The following KLF13 variants were observed in gnomAD, a reference collection of about 807,000 sequenced individuals.
KLF13 encodes the protein Krueppel-like factor 13.
A neutral mutation model predicts 16.7 loss-of-function variants in KLF13; 8 were observed. The ratio of observed to expected loss-of-function variants is 0.48; its 90% CI spans 0.28 to 0.87. KLF13 has a LOEUF of 0.87. Among genes scored for constraint, KLF13 ranks in the 40% least tolerant of loss-of-function variants. The probability of loss-of-function intolerance (pLI) is 0.10; values close to 1 mark genes in which losing one functional copy is unlikely to be tolerated. For synonymous variants in KLF13, 245 were observed against 208.4 expected, an observed-to-expected ratio of 1.18 and a Z score of -1.51; for missense variants, 447 against 452.2, an observed-to-expected ratio of 0.99 and a Z score of 0.10.
chr15:31,350,622 C>T (rs534126935), intron 1 of KLF13, among the ~76,000 whole-genome samples: 16 of 152,374 alleles, frequency 1.1e-4, no homozygotes, highest in African/African-American at 3.6e-4. Flanking sequence ...AGTAGCTTGG[C>T]GTGTAAGGTG....
At chr15:31,339,435 C>G (rs537883354) in intron 1 of KLF13, among the ~76,000 whole-genome samples, 3 of 152,310 alleles carry the variant, frequency 2.0e-5, no homozygotes, top group Non-Finnish European at 4.4e-5. Flanking sequence ...GAGGACCCCC[C>G]ACTGCCGACA....
chr15:31,343,809 GA>G (rs1056617646), intron 1 of KLF13, among the ~76,000 whole-genome samples: 4 of 152,194 alleles, frequency 2.6e-5, no homozygotes, highest in Non-Finnish European at 5.9e-5. Flanking sequence ...ACTCCATGGG[GA>G]AGGTCTCCTT....
chr15:31,350,934 A>G (rs944792333), intron 1 of KLF13, among the ~76,000 whole-genome samples: 1 of 152,258 alleles, frequency 6.6e-6, no homozygotes, highest in African/African-American at 2.4e-5. Flanking sequence ...GTGTAAGAAC[A>G]TGATGATGAC....
intron 2 of KLF13, among the ~76,000 whole-genome samples, chr15:31,395,900 G>A (rs2039945901): frequency 6.6e-6 from 1 of 152,246 alleles, no homozygotes; most frequent in African/African-American, 2.4e-5. Context: ...GGCCCAAGAA[G>A]TCTGCCTCAG....
chr15:31,428,355 A>G (rs2040424442), intron 1 of KLF13, among the ~76,000 whole-genome samples: 1 of 152,174 alleles, frequency 6.6e-6, no homozygotes, highest in Admixed American at 6.5e-5. Context: ...AGAAACTTCA[A>G]TATTAGGAGG....
chr15:31,416,472 A>T (rs2040258857), intron 1 of KLF13, among the ~76,000 whole-genome samples: 1 of 152,204 alleles, frequency 6.6e-6, no homozygotes, highest in Non-Finnish European at 1.5e-5. Flanking sequence ...TACAGCAGAG[A>T]TGTAAGGTTG....
At chr15:31,382,073 T>C (rs2039734153), downstream of KLF13, among the ~76,000 whole-genome samples, 1 of 152,188 alleles carries the variant, frequency 6.6e-6, no homozygotes, top group South Asian at 2.1e-4. Flanking sequence ...GTGCGAGATG[T>C]CAGATGCTGG....
At chr15:31,405,116 A>G (rs921756473), downstream of KLF13, among the ~76,000 whole-genome samples, 3 of 152,192 alleles carry the variant, frequency 2.0e-5, no homozygotes, top group African/African-American at 7.2e-5. Flanking sequence ...GGAGGTGACT[A>G]GGTCATGCGA....
chr15:31,405,846 C>G (rs1408909471), downstream of KLF13, among the ~76,000 whole-genome samples: 1 of 152,126 alleles, frequency 6.6e-6, no homozygotes, highest in East Asian at 1.9e-4. Context: ...GGAAAACAGT[C>G]ACAAGACAGA....
intron 1 of KLF13, among the ~76,000 whole-genome samples, chr15:31,432,228 C>A (rs181331884): frequency 2.0e-5 from 3 of 152,018 alleles, no homozygotes; most frequent in African/African-American, 7.3e-5. Context: ...TCCTGGAGCT[C>A]TTGCACTGGA....
upstream of KLF13, among the ~76,000 whole-genome samples, chr15:31,391,964 G>A (rs2039877622): frequency 6.6e-6 from 1 of 152,130 alleles, no homozygotes; most frequent in African/African-American, 2.4e-5. Context: ...AGCCGGGACG[G>A]CTGGGCCGGA....
At position 31,328,415 on chromosome 15, in the gene KLF13, G is replaced by A. The variant is rs2038761068; in HGVS notation, c.577+626G>A. On this transcript the variant is annotated intron_variant, in intron 1 of 1. Coordinates refer to ENST00000307145, the MANE Select transcript of KLF13 (RefSeq NM_015995.4). ...GCGGCGGCGCTTGGCGATGCGGGGG[G>A]CGGTCCCGGGTCCCGCTCCCCGCCT... Among the ~76,000 whole-genome samples the A allele has an allele frequency of 2.0e-5, 3 of 152,014 alleles. 1 individual carries two copies. In the South Asian group the frequency reaches 6.2e-4, roughly 31 times the overall value.
intron 1 of KLF13, among the ~76,000 whole-genome samples, chr15:31,421,835 C>T (rs1318013889): frequency 6.6e-6 from 1 of 152,070 alleles, no homozygotes; most frequent in South Asian, 2.1e-4. Flanking sequence ...GAGGGCTGGC[C>T]GAGCGCGGTG....
rs543912231 is a variant in KLF13, at chr15:31,433,764, G to A, written n.118-1606G>A. 9.2e-5 allele frequency among the ~76,000 whole-genome samples: 14 copies of A among 152,326 alleles called. No individual in the cohort carries two copies. In the South Asian group the frequency reaches 2.9e-3, roughly 32 times the overall value. ...TTGGTCTGGAAGCAGTGGTGCCCCT[G>A]TGTGGGCTGACACTGACTGGCCACT... On this transcript the variant is annotated intron_variant and non_coding_transcript_variant, in intron 1 of 1. Transcript: ENST00000558225.
intron 1 of KLF13, among the ~76,000 whole-genome samples, chr15:31,333,745 C>T (rs1451536785): frequency 6.6e-6 from 1 of 152,120 alleles, no homozygotes; most frequent in East Asian, 1.9e-4. Context: ...ATTTGGTTGT[C>T]CTCTCTAGTT....
chr15:31,403,465 G>A (rs941517004), exon 3 of KLF13: 2 of 152,182 alleles, frequency 1.3e-5, no homozygotes, highest in Admixed American at 6.5e-5. Flanking sequence ...CTGTCTGATG[G>A]GGTGTGCAGT....
chr15:31,429,298 G>A (rs909844064), intron 1 of KLF13, among the ~76,000 whole-genome samples: 3 of 152,156 alleles, frequency 2.0e-5, no homozygotes, highest in African/African-American at 4.8e-5. Flanking sequence ...ACAGATGAAC[G>A]TTGAAGACAC....
intron 1 of KLF13, among the ~76,000 whole-genome samples, chr15:31,359,442 C>T (rs1029816592): frequency 6.6e-6 from 1 of 152,162 alleles, no homozygotes; most frequent in Middle Eastern, 3.2e-3. Context: ...GTGCTATTCC[C>T]TTCTTAGGGA....
intron 1 of KLF13, among the ~76,000 whole-genome samples, chr15:31,361,616 G>A (rs2039389354): frequency 6.6e-6 from 1 of 152,102 alleles, no homozygotes; most frequent in Admixed American, 6.5e-5. Flanking sequence ...CACAGGAAGA[G>A]GAAGTGGGCC....
Sources: gnomAD v4.1 joint callset for allele counts (sites outside exome capture counted in the v4.1 genomes callset) on GRCh38, gnomAD v4.1.1 for gene constraint, MANE v1.5 for transcripts, NCBI Gene and HGNC (gene_info 2026-07-23, HGNC 2026-07-21) for gene names.